The following PKD1L3 variants were observed in gnomAD, a reference collection of about 807,000 sequenced individuals.
PKD1L3 encodes polycystin-1-like protein 3.
Under a neutral mutation model 184.1 loss-of-function variants are expected in PKD1L3, and 239 were observed. The ratio of observed to expected loss-of-function variants is 1.30; its 90% CI spans 1.17 to 1.45. The LOEUF (loss-of-function observed/expected upper bound fraction) is 1.45, where lower values mean the gene tolerates loss of function less well. Among genes scored for constraint, PKD1L3 ranks in the 40% most tolerant of loss-of-function variants. The pLI is 0.00. For missense variants in PKD1L3, 2,660 were observed against 2,067.2 expected (o/e 1.29, Z -5.56); for synonymous variants, 996 against 778.8 (o/e 1.28, Z -4.64).
intron 2 of PKD1L3, among the ~76,000 whole-genome samples, chr16:71,997,475 G>A (rs1042247575): frequency 2.0e-5 from 3 of 151,536 alleles, no homozygotes; most frequent in Non-Finnish European, 2.9e-5. Context: ...TAGGCTGGGC[G>A]CAGTGGCTCA....
At chr16:71,963,922 C>G (rs192823743) in intron 15 of PKD1L3, among the ~76,000 whole-genome samples, 5 of 152,242 alleles carry the variant, frequency 3.3e-5, no homozygotes, top group Non-Finnish European at 5.9e-5. Context: ...TAACCTTTCT[C>G]TGTCCCATAT....
At chr16:71,963,548 G>A (rs1216568772) in intron 15 of PKD1L3, among the ~76,000 whole-genome samples, 197 bp from the exon 16 acceptor site, 1 of 152,342 alleles carries the variant, frequency 6.6e-6, no homozygotes, top group East Asian at 1.9e-4. Flanking sequence ...GCGTGAGGCT[G>A]AGGCAGGTGG....
chr16:71,964,309 C>CTTTTTTTTTTTTT (rs772995457), intron 15 of PKD1L3, among the ~76,000 whole-genome samples: 1 of 56,658 alleles, frequency 1.8e-5, no homozygotes, highest in African/African-American at 7.2e-5. Context: ...TCGTCAAAAT[C>CTTTTTTTTTTTTT]TTTTTTTTTT....
intron 21 of PKD1L3, among the ~76,000 whole-genome samples, chr16:71,948,658 A>G (rs1158509039): frequency 1.3e-5 from 2 of 152,112 alleles, no homozygotes; most frequent in African/African-American, 2.4e-5. Flanking sequence ...ATTACTGTGT[A>G]TTATTATTTT....
chr16:71,976,831 C>T (rs2143691126), intron 11 of PKD1L3, among the ~76,000 whole-genome samples: 1 of 152,292 alleles, frequency 6.6e-6, no homozygotes, highest in East Asian at 1.9e-4. Flanking sequence ...CAAGCTCCGT[C>T]TCCCAGGTTC....
chr16:71,976,032 C>G (rs1052284065), intron 11 of PKD1L3, among the ~76,000 whole-genome samples: 1 of 151,686 alleles, frequency 6.6e-6, no homozygotes, highest in Non-Finnish European at 1.5e-5. Flanking sequence ...ACTGCAACCT[C>G]TGCCTCCTGG....
chr16:71,948,698 T>C (rs920500047), intron 21 of PKD1L3, among the ~76,000 whole-genome samples: 22 of 151,330 alleles, frequency 1.5e-4, no homozygotes, highest in African/African-American at 5.3e-4. Context: ...AAAAATGCAA[T>C]ATTATCATTT....
intron 4 of PKD1L3, among the ~76,000 whole-genome samples, chr16:71,987,797 T>C (rs1597371503): frequency 6.6e-6 from 1 of 152,090 alleles, no homozygotes; most frequent in African/African-American, 2.4e-5. Context: ...AGGCACTGTG[T>C]CTGATGGAGG....
chr16:71,944,229 C>A, intron 22 of PKD1L3, 59 bp from the exon 23 acceptor site: 1 of 1,445,558 alleles, frequency 6.9e-7, no homozygotes, highest in East Asian at 2.5e-5. Flanking sequence ...CAGTCACTCA[C>A]CATTCATTGA....
intron 15 of PKD1L3, among the ~76,000 whole-genome samples, chr16:71,964,446 C>T (rs926931536): frequency 1.4e-5 from 2 of 147,518 alleles, no homozygotes; most frequent in African/African-American, 5.0e-5. Context: ...TCAAGCAATT[C>T]TCCTGCCTCA....
At chr16:71,990,645 A>G (rs926974792) in intron 3 of PKD1L3, among the ~76,000 whole-genome samples, 2 of 152,066 alleles carry the variant, frequency 1.3e-5, no homozygotes, top group African/African-American at 4.8e-5. Context: ...GAGGCAGGAC[A>G]ATTGTTTGAA....
intron 3 of PKD1L3, among the ~76,000 whole-genome samples, chr16:71,992,373 TTTACTATGAC>T (rs2040621462): frequency 6.6e-6 from 1 of 152,190 alleles, no homozygotes; most frequent in African/African-American, 2.4e-5. Context: ...GTAATTTAGT[TTTACTATGAC>T]ACTTAAAGCC....
At chr16:71,943,570 G>A (rs759958387) in intron 23 of PKD1L3, among the ~76,000 whole-genome samples, 2 of 136,530 alleles carry the variant, frequency 1.5e-5, no homozygotes, top group South Asian at 2.5e-4. Context: ...ATAAAATCCC[G>A]CACAAGAAAT....
chr16:71,943,324 G>A, intron 23 of PKD1L3, among the ~76,000 whole-genome samples: 1 of 151,958 alleles, frequency 6.6e-6, no homozygotes, highest in East Asian at 1.9e-4. Flanking sequence ...ATCACCTGAG[G>A]TCAGGAGTTC....
chr16:71,930,236 A>G, intron 28 of PKD1L3, 53 bp from the exon 29 acceptor site: 1 of 1,485,840 alleles, frequency 6.7e-7, no homozygotes, highest in Non-Finnish European at 9.0e-7. Context: ...TTTATACTTT[A>G]CAAACATAAG....
At chr16:71,967,063 A>G in intron 15 of PKD1L3, 74 bp downstream of exon 15, 4 of 1,433,232 alleles carry the variant, frequency 2.8e-6, no homozygotes, top group Non-Finnish European at 3.8e-6. Flanking sequence ...ACTGTGATTT[A>G]TTGTGGTGAT....
chr16:71,947,759 G>C (rs2038674922), intron 21 of PKD1L3, among the ~76,000 whole-genome samples, 168 bp from the exon 22 acceptor site: 1 of 152,180 alleles, frequency 6.6e-6, no homozygotes, highest in African/African-American at 2.4e-5. Context: ...TGGGTACCAG[G>C]AGAAGGACCA....
chr16:71,964,415 T>G lies in PKD1L3; in HGVS notation c.2466-1064A>C, dbSNP rs1232769316. ...GTGCAGTGGTGTGATCTTGGCTCACTGCAACCTCCACCTCCCAGGTTCAAG... is the reference window on the plus strand; with the variant it reads ...GTGCAGTGGTGTGATCTTGGCTCACGGCAACCTCCACCTCCCAGGTTCAAG... On this transcript the variant is annotated intron_variant, in intron 15 of 29. Transcript: ENST00000620267. Among the ~76,000 whole-genome samples, 4 of 131,630 alleles carry G rather than the reference T, an allele frequency of 3.0e-5. No individual in the cohort carries two copies. In the Admixed American group the frequency reaches 3.8e-4, roughly 12 times the overall value. The allele number at this position is 131,630 out of a possible 152,430, so 86.4% of individuals were successfully genotyped here. A position where few individuals can be genotyped will look rare whatever the true frequency, so the allele number is the denominator to read the frequency against.
intron 28 of PKD1L3, chr16:71,931,072 G>A (rs1567482916): frequency 6.6e-6 from 1 of 151,902 alleles, no homozygotes; most frequent in African/African-American, 2.4e-5. Context: ...CAATTTTACT[G>A]TTTATTTTTT....
Sources: gnomAD v4.1 joint callset for allele counts (sites outside exome capture counted in the v4.1 genomes callset) on GRCh38, gnomAD v4.1.1 for gene constraint, MANE v1.5 for transcripts, NCBI Gene and HGNC (gene_info 2026-07-23, HGNC 2026-07-21) for gene names.